Variants in PDE4D observed in about 807,000 individuals in gnomAD.
PDE4D encodes phosphodiesterase 4D.
A neutral mutation model predicts 87.4 loss-of-function variants in PDE4D; 24 were observed. That is an observed-to-expected ratio of 0.27 (90% CI 0.20 to 0.39). The LOEUF (loss-of-function observed/expected upper bound fraction) is 0.39, where lower values mean the gene tolerates loss of function less well. PDE4D is among the 10% of genes least tolerant of loss of function. PDE4D has a pLI of 1.00. For synonymous variants in PDE4D, 384 were observed against 383.2 expected (o/e 1.00, Z -0.02); for missense variants, 714 against 1,041.0 (o/e 0.69, Z 4.32).
chr5:60,175,416 A>G (rs1299363468), intron 2 of PDE4D, among the ~76,000 whole-genome samples: 1 of 152,136 alleles, frequency 6.6e-6, no homozygotes, highest in Non-Finnish European at 1.5e-5. Flanking sequence ...TGTCCCATAT[A>G]TCACATGTTT....
intron 6 of PDE4D, among the ~76,000 whole-genome samples, chr5:59,019,005 G>A (rs921650080): frequency 8.8e-5 from 13 of 147,570 alleles, no homozygotes; most frequent in South Asian, 2.1e-4. Context: ...GGGCATTTCC[G>A]CTTAGATACA....
chr5:59,849,984 T>C (rs748289786), intron 1 of PDE4D, among the ~76,000 whole-genome samples: 2 of 152,036 alleles, frequency 1.3e-5, no homozygotes, highest in Non-Finnish European at 2.9e-5. Flanking sequence ...GTCATGAGAC[T>C]GGAAAGAAGT....
chr5:59,570,963 GA>G (rs996961679), intron 1 of PDE4D, among the ~76,000 whole-genome samples: 1 of 152,020 alleles, frequency 6.6e-6, no homozygotes, highest in East Asian at 1.9e-4. Context: ...ACTTAGAAGA[GA>G]AAAAAATGCT....
At position 60,143,603 on chromosome 5, in the gene PDE4D, T is replaced by TTGTGTGTGTGTG. The variant is rs34236719; in HGVS notation, c.42+41942_42+41953dup. On this transcript the variant is annotated intron_variant, in intron 2 of 16. Coordinates refer to the PDE4D transcript ENST00000502484. The stretch of plus-strand genomic sequence containing the variant: ...AAATGACCTAGGAGCAGCTTGGGAA[T>TTGTGTGTGTGTG]TGTGTGTGTGTGTGTGTGTGTGTGT... Among the ~76,000 whole-genome samples, 723 of 117,734 alleles carry TTGTGTGTGTGTG rather than the reference T, an allele frequency of 6.1e-3. 19 individuals carry two copies. Among genetic ancestry groups the TTGTGTGTGTGTG allele is most frequent in the African/African-American group, 0.021 (641 of 30,140 alleles). 77.2% of individuals were successfully genotyped at this position (117,734 alleles called of 152,430 possible). A position where few individuals can be genotyped will look rare whatever the true frequency, so the allele number is the denominator to read the frequency against.
rs958382779 is a variant in PDE4D at position 60,337,372 on chromosome 5, T to A, written c.-90+150570A>T. On this transcript the variant is annotated intron_variant, in intron 1 of 16. Coordinates refer to the PDE4D transcript ENST00000502484. ...CAAACTATATATATATATATATATA[T>A]ATATATATATATATATACACACACA... Among the ~76,000 whole-genome samples, 6 of 116,988 alleles carry A rather than the reference T, an allele frequency of 5.1e-5. 1 individual carries two copies. The highest frequency in any genetic ancestry group is 3.5e-4 in the South Asian group (1 of 2,866). 76.7% of individuals were successfully genotyped at this position (116,988 alleles called of 152,430 possible).
At chr5:59,686,577 A>G (rs1395880116) in intron 1 of PDE4D, among the ~76,000 whole-genome samples, 1 of 152,214 alleles carries the variant, frequency 6.6e-6, no homozygotes, top group African/African-American at 2.4e-5. Flanking sequence ...GGGAAAATGA[A>G]CAATGCCTAG....
chr5:59,356,616 C>A (rs1372494210), intron 1 of PDE4D: 8 of 643,906 alleles, frequency 1.2e-5, no homozygotes, highest in Non-Finnish European at 1.7e-5. Context: ...AGGTTTACAT[C>A]ATCTTCTTGG....
chr5:59,532,095 C>A (rs1278627714), intron 1 of PDE4D, among the ~76,000 whole-genome samples: 1 of 152,038 alleles, frequency 6.6e-6, no homozygotes, highest in Middle Eastern at 3.2e-3. Context: ...ATGACAAACA[C>A]ATATTTGAAG....
chr5:59,396,989 C>A (rs1789546806), intron 1 of PDE4D, among the ~76,000 whole-genome samples: 1 of 121,684 alleles, frequency 8.2e-6, no homozygotes, highest in African/African-American at 3.3e-5. Context: ...ACAAAGAAGG[C>A]CATTACATAA....
At chr5:60,407,517 G>A (rs1220993088) in intron 1 of PDE4D, among the ~76,000 whole-genome samples, 1 of 121,800 alleles carries the variant, frequency 8.2e-6, no homozygotes, top group Non-Finnish European at 1.6e-5. Context: ...GCAGTGGCAC[G>A]ATCTCGGCTC....
chr5:59,547,288 T>C (rs1035989684), intron 1 of PDE4D, among the ~76,000 whole-genome samples: 4 of 152,176 alleles, frequency 2.6e-5, no homozygotes, highest in African/African-American at 9.7e-5. Flanking sequence ...TATGAACTTC[T>C]ATCAGTTTTT....
intron 1 of PDE4D, among the ~76,000 whole-genome samples, chr5:59,684,251 C>A (rs1749496493): frequency 6.6e-6 from 1 of 152,124 alleles, no homozygotes; most frequent in Non-Finnish European, 1.5e-5. Context: ...ATATCTTTTG[C>A]TCATACTTCA....
At chr5:60,063,534 C>T (rs1771725180) in intron 2 of PDE4D, among the ~76,000 whole-genome samples, 1 of 152,074 alleles carries the variant, frequency 6.6e-6, no homozygotes, top group Non-Finnish European at 1.5e-5. Flanking sequence ...GTAGGCCAAC[C>T]TTGCCAAGGG....
chr5:59,589,413 A>G (rs969092157), intron 1 of PDE4D, among the ~76,000 whole-genome samples: 6 of 152,170 alleles, frequency 3.9e-5, no homozygotes, highest in African/African-American at 1.4e-4. Flanking sequence ...GTAGATCTGG[A>G]AGAGAATTCA....
At chr5:59,623,104 C>CA (rs1830519709) in intron 1 of PDE4D, among the ~76,000 whole-genome samples, 1 of 152,148 alleles carries the variant, frequency 6.6e-6, no homozygotes, top group Admixed American at 6.5e-5. Context: ...ATGACTCATC[C>CA]AAATTTCAGA....
At chr5:59,965,967 T>A (rs1285228035) in intron 3 of PDE4D, among the ~76,000 whole-genome samples, 1 of 152,100 alleles carries the variant, frequency 6.6e-6, no homozygotes, top group African/African-American at 2.4e-5. Flanking sequence ...TGTTAACTCA[T>A]CTTCTAAACA....
intron 2 of PDE4D, among the ~76,000 whole-genome samples, chr5:60,088,587 G>A (rs1194517935): frequency 6.6e-6 from 1 of 151,820 alleles, no homozygotes; most frequent in Non-Finnish European, 1.5e-5. Flanking sequence ...ACTATTATCA[G>A]TTTAAAATAA....
chr5:59,622,211 C>T lies in PDE4D; in HGVS notation c.455+270957G>A, dbSNP rs530109711. Among the ~76,000 whole-genome samples, 5 of 151,910 alleles carry T rather than the reference C, an allele frequency of 3.3e-5. No individual in the cohort carries two copies. In the East Asian group the frequency reaches 7.7e-4, roughly 23 times the overall value. ...CACACATATGCACACAAACACATAC[C>T]CACACACTATATATACGAATGTATG... On this transcript the variant is annotated intron_variant, in intron 1 of 14. Transcript: ENST00000340635.
At chr5:60,203,320 C>T (rs1035635805) in intron 1 of PDE4D, among the ~76,000 whole-genome samples, 4 of 152,004 alleles carry the variant, frequency 2.6e-5, no homozygotes, top group Non-Finnish European at 5.9e-5. Flanking sequence ...AAATTAGTAT[C>T]GCTATAAAAA....
Sources: gnomAD v4.1 joint callset for allele counts (sites outside exome capture counted in the v4.1 genomes callset) on GRCh38, gnomAD v4.1.1 for gene constraint, MANE v1.5 for transcripts, NCBI Gene and HGNC (gene_info 2026-07-23, HGNC 2026-07-21) for gene names.